The following ANXA5 variants were observed in gnomAD, a reference collection of about 807,000 sequenced individuals.
The protein encoded by ANXA5 is annexin A5, also known as CBP-I.
A neutral mutation model predicts 48.1 loss-of-function variants in ANXA5; 40 were observed. The ratio of observed to expected loss-of-function variants is 0.83; its 90% CI spans 0.65 to 1.08. ANXA5 has a LOEUF of 1.08. ANXA5 is among the 50% of genes least tolerant of loss of function. The pLI is 0.00. For missense variants in ANXA5, 357 were observed against 376.8 expected (o/e 0.95, Z 0.44); for synonymous variants, 113 against 129.1 (o/e 0.88, Z 0.85).
At chr4:121,690,391 G>A (rs1341763818) in intron 2 of ANXA5, among the ~76,000 whole-genome samples, 1 of 152,176 alleles carries the variant, frequency 6.6e-6, no homozygotes, top group East Asian at 1.9e-4. Flanking sequence ...GAAAGAGGAG[G>A]CAGTGTCCAA....
At position 121,684,757 on chromosome 4, in the gene ANXA5, TCTC is replaced by T; in HGVS notation, c.106_108del (p.Glu36del). On this transcript the variant is annotated inframe_deletion, in exon 4 of 13. Transcript: ENST00000296511. ...CGGGATGTCAACAGAGTCAGGATGC[TCTC>T]CTCATCTGTGCCTGCAATTTATGGT... The T allele has an allele frequency of 6.2e-7, 1 of 1,613,862 alleles. No homozygotes were observed. The highest frequency in any genetic ancestry group is 2.2e-5 in the East Asian group (1 of 44,868).
intron 5 of ANXA5, among the ~76,000 whole-genome samples, chr4:121,682,768 C>T (rs1482803013): frequency 1.3e-5 from 2 of 152,112 alleles, no homozygotes; most frequent in African/African-American, 4.8e-5. Context: ...AACTGAACTA[C>T]TTCCTGTCCC....
Position 121,696,433 on chromosome 4 carries a change from G to T in ANXA5, c.9+148C>A, listed in dbSNP as rs189283769. On this transcript the variant is annotated intron_variant, in intron 2 of 12. Transcript: ENST00000296511. Reference sequence around the variant, plus strand: ...CAGAAACGGGGGCAGGGAAGCAAAGGGGGAACAAGAAAAGTGGAAGCGATG... The same window carrying T: ...CAGAAACGGGGGCAGGGAAGCAAAGTGGGAACAAGAAAAGTGGAAGCGATG... The T allele has an allele frequency of 3.5e-5, 26 of 741,112 alleles. 1 individual carries two copies. The Admixed American group carries it at 1.1e-3, about 33-fold the overall frequency. 45.9% of individuals were successfully genotyped at this position (741,112 alleles called of 1,614,324 possible). A position where few individuals can be genotyped will look rare whatever the true frequency, so the allele number is the denominator to read the frequency against.
intron 2 of ANXA5, among the ~76,000 whole-genome samples, chr4:121,687,485 A>C (rs560003471): frequency 6.6e-6 from 1 of 152,312 alleles, no homozygotes; most frequent in South Asian, 2.1e-4. Flanking sequence ...AGAAACAAAC[A>C]GCTAAAAGGA....
At chr4:121,672,789 G>A (rs995427330) in intron 8 of ANXA5, among the ~76,000 whole-genome samples, 163 bp from the exon 9 acceptor site, 2 of 152,172 alleles carry the variant, frequency 1.3e-5, no homozygotes, top group Non-Finnish European at 2.9e-5. Context: ...TCAGCTCACT[G>A]AGTTTGGAGC....
rs1479345115 is a variant in ANXA5 at position 121,668,439 on chromosome 4, C to G, written c.*29G>C. 2.5e-6 allele frequency: 4 copies of G among 1,611,156 alleles called. No homozygotes were observed. Among genetic ancestry groups the G allele is most frequent in the Admixed American group, 1.7e-5 (1 of 59,952 alleles). On this transcript the variant is annotated 3_prime_UTR_variant, in exon 13 of 13. Transcript: ENST00000296511. ...GGAAGGCAGTGGGGTGGTGCAGGCA[C>G]ACAGCAGGGAGCTCTTCCCCGTGAC...
chr4:121,672,532 C>G lies in ANXA5; in HGVS notation c.625+1G>C. 6.2e-7 allele frequency: 1 copy of G among 1,612,340 alleles called. No homozygotes were observed. The highest frequency in any genetic ancestry group is 1.1e-5 in the South Asian group (1 of 90,948). ...GCCCCATACAGATTTTTTTCACTCA[C>G]CCTTTCTCAAATGAGACACACTTCG... is the stretch of plus-strand genomic sequence containing the variant. On this transcript the variant is annotated splice_donor_variant, in intron 9 of 12. Transcript: ENST00000296511. LOFTEE classifies it high-confidence loss of function.
At chr4:121,672,442 C>G in intron 9 of ANXA5, 91 bp downstream of exon 9, 1 of 813,466 alleles carries the variant, frequency 1.2e-6, no homozygotes. Flanking sequence ...TTCTCTAAGT[C>G]CCTGCTATGT....
rs757276275 is a variant in ANXA5, at chr4:121,696,609, G to A, written c.-20C>T. ...TGCCATGGCGACTACTCAGGTCAGG[G>A]GAAGGTGAAGCAGGACTGCAAAAGA... On this transcript the variant is annotated 5_prime_UTR_variant, in exon 2 of 13. Transcript: ENST00000296511. 2 of 1,417,962 alleles carry A rather than the reference G, an allele frequency of 1.4e-6. No homozygotes were observed. The highest frequency in any genetic ancestry group is 1.9e-6 in the Non-Finnish European group (2 of 1,075,540). The allele number at this position is 1,417,962 out of a possible 1,614,324, so 87.8% of individuals were successfully genotyped here.
At position 121,684,703 on chromosome 4, in the gene ANXA5, CAG is replaced by C; in HGVS notation, c.161_162del (p.Ser54CysfsTer4). 6.2e-7 allele frequency: 1 copy of C among 1,613,944 alleles called. No individual in the cohort carries two copies. The highest frequency in any genetic ancestry group is 8.5e-7 in the Non-Finnish European group (1 of 1,179,898). ...CTGCCAAACAGAGTCTTAAAAGCTG[CAG>C]AGATTTCCTGGCGCTGAGCATTACT... ...SRSNAQRQEISAAFKTLFGRD... is the reference protein window; with the variant it reads ...SRSNAQRQEIXAAFKTLFGRD... On this transcript the variant is annotated frameshift_variant, in exon 4 of 13. Transcript: ENST00000296511. LOFTEE classifies it high-confidence loss of function.
At chr4:121,675,053 A>C (rs1724675379) in intron 8 of ANXA5, among the ~76,000 whole-genome samples, 1 of 152,234 alleles carries the variant, frequency 6.6e-6, no homozygotes, top group South Asian at 2.1e-4. Flanking sequence ...GCCCAGTAAA[A>C]GTAAAAAGTG....
intron 5 of ANXA5, among the ~76,000 whole-genome samples, chr4:121,682,336 T>A (rs1724807919): frequency 6.6e-6 from 1 of 152,090 alleles, no homozygotes; most frequent in Non-Finnish European, 1.5e-5. Flanking sequence ...TTTTGAAAAA[T>A]CATTTTAGTT....
At chr4:121,678,516 C>CTTAT (rs1297083838) in intron 6 of ANXA5, 22 bp from the exon 7 acceptor site, 1 of 1,581,270 alleles carries the variant, frequency 6.3e-7, no homozygotes, top group Non-Finnish European at 8.7e-7. Context: ...TAATTTCATA[C>CTTAT]TTATTTACAT....
At chr4:121,671,722 T>C in intron 9 of ANXA5, 80 bp from the exon 10 acceptor site, 3 of 970,066 alleles carry the variant, frequency 3.1e-6, no homozygotes, top group South Asian at 1.4e-5. Context: ...GATTAGGTAG[T>C]GTCTTACTGA....
chr4:121,679,817 T>C (rs772025536), intron 6 of ANXA5, among the ~76,000 whole-genome samples: 3 of 152,206 alleles, frequency 2.0e-5, no homozygotes, highest in Admixed American at 6.5e-5. Context: ...TATGTGTACG[T>C]TGTGAAATGA....
Position 121,671,589 on chromosome 4 carries a change from G to T in ANXA5, c.679C>A (p.Arg227Ser), listed in dbSNP as rs371191338. Residue 227 changes from arginine to serine, a missense_variant, in exon 10 of 13, where the codon CGC (arginine) becomes AGC (serine). Physicochemically the swap from Arg to Ser is moderately radical, Grantham distance 110. Transcript: ENST00000296511. ...TGCTCTAAATTGCCAGAAGTCTCGCGGTCAATGGTTTCCTCAATTTGAAAT... is the reference window on the plus strand; with the variant it reads ...TGCTCTAAATTGCCAGAAGTCTCGCTGTCAATGGTTTCCTCAATTTGAAAT... ...SGFQIEETID[R>S]ETSGNLEQLL... The T allele has an allele frequency of 2.4e-5, 38 of 1,613,354 alleles. No homozygotes were observed. Among genetic ancestry groups the T allele is most frequent in the Non-Finnish European group, 2.9e-5 (34 of 1,179,590 alleles).
chr4:121,677,994 T>G (rs768848406), intron 7 of ANXA5, 44 bp from the exon 8 acceptor site: 1 of 1,526,616 alleles, frequency 6.6e-7, no homozygotes, highest in African/African-American at 1.4e-5. Context: ...TAGAGCATTC[T>G]CATTCAAAAG....
At chr4:121,690,269 T>C (rs13148862) in intron 2 of ANXA5, among the ~76,000 whole-genome samples, 66,152 of 151,630 alleles carry the variant, frequency 0.44, 15,894 homozygotes, top group East Asian at 0.73. Context: ...CCACAGGACC[T>C]TGGCTCCTGG....
At chr4:121,687,921 G>A (rs987665821) in intron 2 of ANXA5, among the ~76,000 whole-genome samples, 12 of 152,048 alleles carry the variant, frequency 7.9e-5, no homozygotes, top group Admixed American at 6.5e-4. Flanking sequence ...CCCTACTTTT[G>A]GTATCTGATC....
Sources: gnomAD v4.1 joint callset for allele counts (sites outside exome capture counted in the v4.1 genomes callset) on GRCh38, gnomAD v4.1.1 for gene constraint, MANE v1.5 for transcripts, NCBI Gene and HGNC (gene_info 2026-07-23, HGNC 2026-07-21) for gene names.